Variants in BLOC1S2 observed in about 807,000 individuals in gnomAD.
The protein encoded by BLOC1S2 is biogenesis of lysosome-related organelles complex 1 subunit 2.
Under a neutral mutation model 19.6 loss-of-function variants are expected in BLOC1S2, and 12 were observed. The ratio of observed to expected loss-of-function variants is 0.61; its 90% CI spans 0.39 to 0.99. The LOEUF (loss-of-function observed/expected upper bound fraction) is 0.99. Among genes scored for constraint, BLOC1S2 ranks in the 50% least tolerant of loss-of-function variants. The pLI is 0.00. For missense variants in BLOC1S2, 142 were observed against 171.0 expected (o/e 0.83, Z 0.95); for synonymous variants, 66 against 64.1 (o/e 1.03, Z -0.14).
chr10:100,280,854 G>A, intron 3 of BLOC1S2, 80 bp downstream of exon 3: 1 of 1,464,478 alleles, frequency 6.8e-7, no homozygotes, highest in Non-Finnish European at 9.0e-7. Context: ...AGGATGTCAT[G>A]TTCCCTCCTC....
intron 4 of BLOC1S2, among the ~76,000 whole-genome samples, chr10:100,277,418 C>T: frequency 6.8e-6 from 1 of 147,036 alleles, no homozygotes; most frequent in Non-Finnish European, 1.5e-5. Flanking sequence ...AAGTGAGGAG[C>T]CCCTCTGCCC....
chr10:100,285,110 C>T (rs1848201193), intron 2 of BLOC1S2, among the ~76,000 whole-genome samples: 1 of 152,100 alleles, frequency 6.6e-6, no homozygotes, highest in African/African-American at 2.4e-5. Context: ...ATTCACAACC[C>T]CTACTATTCT....
chr10:100,280,145 C>G lies in BLOC1S2; in HGVS notation c.376G>C (p.Asp126His). 6.2e-7 allele frequency: 1 copy of G among 1,613,528 alleles called. No individual in the cohort carries two copies. The highest frequency in any genetic ancestry group is 8.5e-7 in the Non-Finnish European group (1 of 1,179,732). Reference sequence around the variant, plus strand: ...TTACCCAGTTTTTTTGAATATGCATCCAACTTGTAAGCTGCCTGCTCAAGA... The same window carrying G: ...TTACCCAGTTTTTTTGAATATGCATGCAACTTGTAAGCTGCCTGCTCAAGA... ...AALEQAAYKL[D>H]AYSKKLEAKY... Residue 126 changes from aspartate to histidine, a missense_variant, in exon 4 of 5, where the codon GAT becomes CAT. Asp to His is a moderately conservative substitution (Grantham distance 81, BLOSUM62 -1). Around this residue, in one of 2 missense-constraint regions of BLOC1S2, gnomAD observed 94 missense variants for 141.3 expected, o/e 0.67. Transcript: ENST00000370372.
chr10:100,275,425 TA>T lies in BLOC1S2; in HGVS notation c.*36del, dbSNP rs372662182. ...GGTTTTATAAGACATTCTTCCACAT[TA>T]AAAAAAAAAGACTCTGTCCCATAGA... On this transcript the variant is annotated 3_prime_UTR_variant, in exon 5 of 5. Transcript: ENST00000370372. The T allele has an allele frequency of 9.7e-3, 11,419 of 1,181,270 alleles. 1 individual carries two copies. The highest frequency in any genetic ancestry group is 0.02 in the South Asian group (1,220 of 60,276). 73.2% of individuals were successfully genotyped at this position (1,181,270 alleles called of 1,614,324 possible).
chr10:100,273,536 T>G lies in BLOC1S2; in HGVS notation c.*1926A>C, dbSNP rs1847774782. On this transcript the variant is annotated 3_prime_UTR_variant, in exon 5 of 5. Coordinates refer to ENST00000370372, the MANE Select transcript of BLOC1S2 (RefSeq NM_173809.5). ...AGTGTAACAGGAAATAAAAACTTTT[T>G]AAAAATAGATCAACATGGCTGGGTG... 1 of 152,182 alleles carries G rather than the reference T, an allele frequency of 6.6e-6. No homozygotes were observed. Among genetic ancestry groups the G allele is most frequent in the Non-Finnish European group, 1.5e-5 (1 of 68,026 alleles). 9.4% of individuals were successfully genotyped at this position (152,182 alleles called of 1,614,324 possible). A position where few individuals can be genotyped will look rare whatever the true frequency, so the allele number is the denominator to read the frequency against.
intron 4 of BLOC1S2, among the ~76,000 whole-genome samples, chr10:100,277,501 GA>G (rs1847932089): frequency 8.2e-6 from 1 of 121,664 alleles, no homozygotes; most frequent in Non-Finnish European, 1.8e-5. Flanking sequence ...GTCCGGGAGG[GA>G]GGTGGGGGGG....
At chr10:100,286,065 C>T (rs911579282) in intron 2 of BLOC1S2, 32 bp downstream of exon 2, 1 of 1,610,824 alleles carries the variant, frequency 6.2e-7, no homozygotes, top group Non-Finnish European at 8.5e-7. Context: ...CTGGGCCAAA[C>T]CGCACCCGAA....
chr10:100,280,809 G>A (rs1011753133), intron 3 of BLOC1S2, 125 bp downstream of exon 3: 34 of 1,271,794 alleles, frequency 2.7e-5, no homozygotes, highest in Non-Finnish European at 3.4e-5. Flanking sequence ...CTTAAATTTG[G>A]AATTCATTTT....
chr10:100,277,221 G>A (rs1452924404), intron 4 of BLOC1S2, among the ~76,000 whole-genome samples: 3 of 148,610 alleles, frequency 2.0e-5, no homozygotes, highest in South Asian at 2.1e-4. Context: ...GAGACCCTCC[G>A]CCTGGTAACC....
chr10:100,276,495 C>T (rs1316555300), intron 4 of BLOC1S2, among the ~76,000 whole-genome samples: 5 of 118,112 alleles, frequency 4.2e-5, no homozygotes, highest in South Asian at 2.9e-4. Context: ...CTCCCTCTCC[C>T]TCTCCCTCTC....
intron 2 of BLOC1S2, among the ~76,000 whole-genome samples, chr10:100,283,289 C>G (rs1848155042): frequency 6.6e-6 from 1 of 152,140 alleles, no homozygotes; most frequent in African/African-American, 2.4e-5. Context: ...ATCTTCATTA[C>G]TTTTCTTTTC....
intron 4 of BLOC1S2, among the ~76,000 whole-genome samples, chr10:100,277,036 G>A (rs1847901552): frequency 6.6e-6 from 1 of 150,774 alleles, no homozygotes; most frequent in Non-Finnish European, 1.5e-5. Flanking sequence ...CTGCCCGGCC[G>A]CCATCCCACC....
intron 1 of BLOC1S2, 66 bp downstream of exon 1, chr10:100,286,539 C>G: frequency 6.3e-7 from 1 of 1,594,744 alleles, no homozygotes; most frequent in Non-Finnish European, 8.5e-7. Context: ...CACACTCAAC[C>G]TCGCCCACCC....
intron 1 of BLOC1S2, 159 bp from the exon 2 acceptor site, chr10:100,286,372 C>A: frequency 6.9e-7 from 1 of 1,458,324 alleles, no homozygotes; most frequent in Admixed American, 2.5e-5. Flanking sequence ...CCCTGCCCAT[C>A]TGACACATCA....
At chr10:100,279,805 C>T (rs1848055747) in intron 4 of BLOC1S2, among the ~76,000 whole-genome samples, 1 of 151,988 alleles carries the variant, frequency 6.6e-6, no homozygotes, top group Non-Finnish European at 1.5e-5. Context: ...AACCCAGACC[C>T]AGGAGGCGGA....
At chr10:100,283,323 G>A (rs1221414499) in intron 2 of BLOC1S2, among the ~76,000 whole-genome samples, 1 of 151,776 alleles carries the variant, frequency 6.6e-6, no homozygotes, top group Non-Finnish European at 1.5e-5. Flanking sequence ...AGATTACTTG[G>A]AGCATGTAAC....
At position 100,286,247 on chromosome 10, in the gene BLOC1S2, T is replaced by A. The variant is rs200618064; in HGVS notation, c.56-34A>T. 283 of 1,607,830 alleles carry A rather than the reference T, an allele frequency of 1.8e-4. 1 individual carries two copies. The East Asian group carries it at 4.5e-3, about 25-fold the overall frequency. ...AGGGAGAATGACTAAGTGTCCCGCCTACACCCGGTGCTAATCCAGCCAAAG... is the reference window on the plus strand; with the variant it reads ...AGGGAGAATGACTAAGTGTCCCGCCAACACCCGGTGCTAATCCAGCCAAAG... On this transcript the variant is annotated intron_variant, in intron 1 of 4. Transcript: ENST00000370372.
chr10:100,275,604 C>A (rs1847830549), intron 4 of BLOC1S2, 111 bp from the exon 5 acceptor site: 1 of 934,986 alleles, frequency 1.1e-6, no homozygotes, highest in South Asian at 1.6e-5. Flanking sequence ...TACTAAAAAT[C>A]TATTAGCTTC....
At chr10:100,279,801 G>A (rs1848055605) in intron 4 of BLOC1S2, among the ~76,000 whole-genome samples, 1 of 151,918 alleles carries the variant, frequency 6.6e-6, no homozygotes, top group African/African-American at 2.4e-5. Flanking sequence ...CTTGAACCCA[G>A]ACCCAGGAGG....
Sources: gnomAD v4.1 joint callset for allele counts (sites outside exome capture counted in the v4.1 genomes callset) on GRCh38, gnomAD v4.1.1 for gene constraint, gnomAD v4.1.1 regional missense constraint, MANE v1.5 for transcripts, NCBI Gene and HGNC (gene_info 2026-07-23, HGNC 2026-07-21) for gene names.